The following PHKB variants were observed in gnomAD, a reference collection of about 807,000 sequenced individuals.
PHKB encodes the protein phosphorylase kinase regulatory subunit beta.
In PHKB, 122 loss-of-function variants were observed where a neutral mutation model predicts 152.1. The ratio of observed to expected loss-of-function variants is 0.80; its 90% CI spans 0.69 to 0.93. PHKB has a LOEUF of 0.93. PHKB is among the 40% of genes least tolerant of loss of function. The pLI is 0.00. For synonymous variants in PHKB, 436 were observed against 464.9 expected (o/e 0.94, Z 0.80); for missense variants, 1,304 against 1,328.4 (o/e 0.98, Z 0.29).
At chr16:47,540,819 GTTTT>G (rs75589113) in intron 6 of PHKB, among the ~76,000 whole-genome samples, 1 of 64,284 alleles carries the variant, frequency 1.6e-5, no homozygotes, top group African/African-American at 6.4e-5. Context: ...TAAATGTCCT[GTTTT>G]TTTTTTTTTT....
chr16:47,518,575 C>T (rs145156006), intron 6 of PHKB, among the ~76,000 whole-genome samples: 6 of 152,206 alleles, frequency 3.9e-5, no homozygotes, highest in African/African-American at 9.6e-5. Context: ...TAACATCTTT[C>T]GTTGCCTACA....
chr16:47,636,890 G>T (rs1033127231), intron 14 of PHKB, among the ~76,000 whole-genome samples: 1 of 152,160 alleles, frequency 6.6e-6, no homozygotes, highest in African/African-American at 2.4e-5. Flanking sequence ...GCCACCCCTG[G>T]GTGGAGTCTG....
At chr16:47,468,232 T>C (rs751956280) in intron 1 of PHKB, among the ~76,000 whole-genome samples, 11 of 152,216 alleles carry the variant, frequency 7.2e-5, no homozygotes, top group Non-Finnish European at 1.2e-4. Context: ...ATAGCCTGAA[T>C]TCCTGTTTCC....
In PHKB at chr16:47,514,625, C is replaced by T. The variant is rs74420196; in HGVS notation, c.514-896C>T. On this transcript the variant is annotated intron_variant, in intron 5 of 30. Transcript: ENST00000323584. ...AGACAGCCAACTCACGTGCCAGCTT[C>T]CTCCAGAAACATCCTCACAGATGTA... Among the ~76,000 whole-genome samples the T allele has an allele frequency of 2.0e-5, 3 of 152,204 alleles. No individual in the cohort carries two copies. The East Asian group carries it at 5.8e-4, about 29-fold the overall frequency.
chr16:47,543,766 A>G (rs555535872), intron 6 of PHKB, among the ~76,000 whole-genome samples: 1 of 152,124 alleles, frequency 6.6e-6, no homozygotes, highest in South Asian at 2.1e-4. Context: ...AATTTCTTCT[A>G]GATTTTCTAC....
intron 16 of PHKB, among the ~76,000 whole-genome samples, chr16:47,646,988 C>A (rs1973140489): frequency 6.6e-6 from 1 of 152,138 alleles, no homozygotes; most frequent in South Asian, 2.1e-4. Flanking sequence ...ACTCCTAATT[C>A]ATTCCAAGAC....
At chr16:47,674,977 A>G (rs371115106) in intron 26 of PHKB, among the ~76,000 whole-genome samples, 2 of 152,220 alleles carry the variant, frequency 1.3e-5, no homozygotes, top group East Asian at 3.9e-4. Context: ...CATTTCTGCC[A>G]GTAACTTAAG....
At chr16:47,563,696 T>C (rs1396106166) in intron 7 of PHKB, among the ~76,000 whole-genome samples, 1 of 152,108 alleles carries the variant, frequency 6.6e-6, no homozygotes, top group Admixed American at 6.6e-5. Flanking sequence ...ATACAAATGG[T>C]TTTTGGTTAC....
chr16:47,527,258 G>T (rs746131473), intron 6 of PHKB, among the ~76,000 whole-genome samples: 3 of 152,180 alleles, frequency 2.0e-5, no homozygotes, highest in Non-Finnish European at 2.9e-5. Context: ...TTAAATATTA[G>T]ATTTTAAATG....
At chr16:47,612,662 TGG>T (rs1285916664) in intron 14 of PHKB, among the ~76,000 whole-genome samples, 1 of 152,192 alleles carries the variant, frequency 6.6e-6, no homozygotes, top group Non-Finnish European at 1.5e-5. Flanking sequence ...TGTAGCCACG[TGG>T]CAGATTACCT....
chr16:47,590,452 A>T (rs560819243), intron 10 of PHKB: 1 of 152,216 alleles, frequency 6.6e-6, no homozygotes, highest in Admixed American at 6.5e-5. Flanking sequence ...ATCACTTGGA[A>T]ACCATTTTAT....
chr16:47,642,691 G>A (rs1204531446), intron 16 of PHKB, among the ~76,000 whole-genome samples: 1 of 152,074 alleles, frequency 6.6e-6, no homozygotes, highest in African/African-American at 2.4e-5. Context: ...CCAGTATCAG[G>A]CCTGGATCTT....
chr16:47,499,817 C>A lies in PHKB; in HGVS notation c.228C>A (p.Cys76Ter). The change falls in exon 3 of 31, where the codon TGC (cysteine) becomes TGA (stop). Residue 76 changes from cysteine to a stop codon, truncating the protein, a stop_gained. Coordinates refer to ENST00000323584, the MANE Select transcript of PHKB (RefSeq NM_000293.3). LOFTEE classifies it high-confidence loss of function. ...CCGGTCTCTTTCCCACTAAAACATG[C>A]GGTGGTGACCAGAAGGCCAAGATCC... ...PTTGLFPTKT[C>*]GGDQKAKIQD... The A allele has an allele frequency of 1.9e-6, 3 of 1,614,078 alleles. No homozygotes were observed. The highest frequency in any genetic ancestry group is 2.5e-6 in the Non-Finnish European group (3 of 1,179,952).
intron 7 of PHKB, among the ~76,000 whole-genome samples, chr16:47,550,239 C>T (rs1470508510): frequency 6.6e-6 from 1 of 152,112 alleles, no homozygotes; most frequent in East Asian, 1.9e-4. Context: ...CGGCCAGTAT[C>T]CTTCTGTGCT....
chr16:47,598,968 C>T (rs1567321733), intron 13 of PHKB: 2 of 1,321,120 alleles, frequency 1.5e-6, no homozygotes, highest in Non-Finnish European at 2.2e-6. Flanking sequence ...CAGCCAATCC[C>T]ACAAGGCCAG....
At chr16:47,567,645 C>G (rs144653465) in intron 7 of PHKB, among the ~76,000 whole-genome samples, 39 of 152,244 alleles carry the variant, frequency 2.6e-4, no homozygotes, top group Non-Finnish European at 4.3e-4. Flanking sequence ...TTCACCTTCT[C>G]CCTATTCAAT....
intron 7 of PHKB, chr16:47,561,236 A>G (rs1971470529): frequency 6.6e-6 from 1 of 152,222 alleles, no homozygotes; most frequent in Admixed American, 6.5e-5. Context: ...GTAACTTAAA[A>G]AACAGTGGGC....
intron 13 of PHKB, among the ~76,000 whole-genome samples, chr16:47,601,885 ATAAT>A (rs1447257819): frequency 6.6e-6 from 1 of 152,216 alleles, no homozygotes; most frequent in African/African-American, 2.4e-5. Flanking sequence ...GGTGAATACA[ATAAT>A]TTTTTTAGGG....
chr16:47,461,699 A>G (rs1371095681), intron 1 of PHKB, among the ~76,000 whole-genome samples: 1 of 152,140 alleles, frequency 6.6e-6, no homozygotes, highest in Non-Finnish European at 1.5e-5. Context: ...GACTTCCCTT[A>G]GAGTCTTCTA....
Sources: allele counts gnomAD v4.1 joint callset (sites outside exome capture counted in the v4.1 genomes callset), GRCh38; gene constraint gnomAD v4.1.1; transcripts MANE v1.5; gene names NCBI Gene and HGNC (gene_info 2026-07-23, HGNC 2026-07-21).